Variants in RBFOX1 observed in about 807,000 individuals in gnomAD.
The protein encoded by RBFOX1 is RNA binding fox-1 homolog 1.
Under a neutral mutation model 57.7 loss-of-function variants are expected in RBFOX1, and 8 were observed. The observed-to-expected ratio is 0.14, with a 90% CI of 0.08 to 0.25. The LOEUF is 0.25. Ranked by LOEUF, RBFOX1 falls within the 10% of genes least tolerant of loss-of-function variation. The probability of loss-of-function intolerance (pLI) is 1.00; values close to 1 mark genes in which losing one functional copy is unlikely to be tolerated. For missense variants in RBFOX1, 611 were observed against 548.5 expected (o/e 1.11, Z -1.14); for synonymous variants, 326 against 222.4 (o/e 1.47, Z -4.15).
chr16:6,899,356 C>T (rs1596550092), intron 3 of RBFOX1, among the ~76,000 whole-genome samples: 1 of 152,144 alleles, frequency 6.6e-6, no homozygotes, highest in African/African-American at 2.4e-5. Context: ...TAGCATCAGG[C>T]ATTTTCTTCT....
At chr16:5,684,749 G>C (rs1236151174) in intron 3 of RBFOX1, among the ~76,000 whole-genome samples, 1 of 152,166 alleles carries the variant, frequency 6.6e-6, no homozygotes, top group Non-Finnish European at 1.5e-5. Flanking sequence ...GTAATGAAGT[G>C]CATCCAAATA....
chr16:7,548,645 T>C (rs1385090086), intron 5 of RBFOX1, among the ~76,000 whole-genome samples: 1 of 152,112 alleles, frequency 6.6e-6, no homozygotes, highest in African/African-American at 2.4e-5. Context: ...GGGGGGGCAG[T>C]CAAACAAGTC....
intron 4 of RBFOX1, among the ~76,000 whole-genome samples, chr16:5,943,261 C>G (rs2059318208): frequency 6.6e-6 from 1 of 152,176 alleles, no homozygotes; most frequent in African/African-American, 2.4e-5. Flanking sequence ...CCATCACAGG[C>G]TTCTTAAGTG....
intron 4 of RBFOX1, among the ~76,000 whole-genome samples, chr16:7,305,282 T>C (rs2096151992): frequency 6.6e-6 from 1 of 152,146 alleles, no homozygotes; most frequent in Admixed American, 6.6e-5. Flanking sequence ...GGACCCTCTC[T>C]GCTCTGTCAT....
chr16:6,536,676 A>G (rs370212227), intron 2 of RBFOX1, among the ~76,000 whole-genome samples: 8 of 152,022 alleles, frequency 5.3e-5, no homozygotes, highest in South Asian at 4.1e-4. Flanking sequence ...TTGGATTGCT[A>G]TGATATCTTC....
At chr16:6,120,842 A>G (rs1418696697) in intron 1 of RBFOX1, among the ~76,000 whole-genome samples, 1 of 151,948 alleles carries the variant, frequency 6.6e-6, no homozygotes. Flanking sequence ...TCTCTTTTTT[A>G]TCCAAACATT....
chr16:7,127,188 C>G (rs1406736883), intron 4 of RBFOX1, among the ~76,000 whole-genome samples: 2 of 152,094 alleles, frequency 1.3e-5, no homozygotes, highest in Non-Finnish European at 2.9e-5. Flanking sequence ...TCTCTGTGAA[C>G]TAGCCACAAA....
intron 4 of RBFOX1, among the ~76,000 whole-genome samples, chr16:7,229,260 A>T (rs1017359592): frequency 3.9e-5 from 6 of 152,222 alleles, no homozygotes; most frequent in Non-Finnish European, 7.3e-5. Context: ...GAAGTATTTT[A>T]TGAAGGCATA....
chr16:7,513,649 C>T (rs1488891756), intron 4 of RBFOX1, among the ~76,000 whole-genome samples: 2 of 152,118 alleles, frequency 1.3e-5, no homozygotes, highest in African/African-American at 2.4e-5. Context: ...CCAGTCATTG[C>T]CTAATGTCCT....
chr16:6,651,404 C>A (rs1015225574), intron 2 of RBFOX1, among the ~76,000 whole-genome samples: 1 of 152,196 alleles, frequency 6.6e-6, no homozygotes, highest in Non-Finnish European at 1.5e-5. Flanking sequence ...CCTGCTACAC[C>A]CTTATCCATC....
intron 3 of RBFOX1, among the ~76,000 whole-genome samples, chr16:7,042,244 A>C (rs970763680): frequency 2.0e-5 from 3 of 152,218 alleles, no homozygotes; most frequent in Admixed American, 2.0e-4. Context: ...ACAGTAGCTA[A>C]TGAGCACCTG....
At position 6,019,443 on chromosome 16, in the gene RBFOX1, G is replaced by T. The variant is rs1030670233; in HGVS notation, c.-676G>T. The T allele has an allele frequency of 5.0e-6, 5 of 990,206 alleles. No homozygotes were observed. The African/African-American group carries it at 8.7e-5, about 17-fold the overall frequency. The allele number at this position is 990,206 out of a possible 1,614,324, so 61.3% of individuals were successfully genotyped here. On this transcript the variant is annotated 5_prime_UTR_variant, in exon 1 of 16. Coordinates refer to ENST00000550418, the MANE Select transcript of RBFOX1 (RefSeq NM_018723.4). This position sits in a 1 kb window ranked among gnomAD's most constrained non-coding sequence, Gnocchi z 4.2. ...GGACGGAGCCCAGGGGCCGCGTCGG[G>T]TGGGGAAACCCGAACTCGCGGAGGG...
At chr16:6,668,265 A>T (rs940582095) in intron 3 of RBFOX1, among the ~76,000 whole-genome samples, 2 of 152,222 alleles carry the variant, frequency 1.3e-5, no homozygotes, top group African/African-American at 2.4e-5. Context: ...AGATTGTGGC[A>T]TGTGGGTTCT....
chr16:5,976,823 C>A (rs1345940363), intron 4 of RBFOX1, among the ~76,000 whole-genome samples: 1 of 152,186 alleles, frequency 6.6e-6, no homozygotes. Context: ...GAGCCAAAAT[C>A]ATGCCACTGC....
intron 1 of RBFOX1, among the ~76,000 whole-genome samples, chr16:6,173,873 G>T (rs2096982086): frequency 6.6e-6 from 1 of 151,834 alleles, no homozygotes. Flanking sequence ...GCCTCCCAAA[G>T]TGCTGTTTTG....
intron 3 of RBFOX1, chr16:5,610,622 AG>A (rs2047745878): frequency 6.6e-6 from 1 of 152,094 alleles, no homozygotes; most frequent in Non-Finnish European, 1.5e-5. Flanking sequence ...GCAGGAGGTC[AG>A]TTCAGGCCAG....
intron 4 of RBFOX1, among the ~76,000 whole-genome samples, chr16:7,399,614 C>G (rs2098204508): frequency 6.6e-6 from 1 of 152,140 alleles, no homozygotes; most frequent in Admixed American, 6.5e-5. Context: ...GTAGATGCAT[C>G]TCGTCCATTT....
intron 2 of RBFOX1, chr16:5,467,362 A>G (rs1008431938): frequency 9.2e-7 from 1 of 1,089,158 alleles, no homozygotes; most frequent in African/African-American, 1.6e-5. Context: ...CCCAGGGCAG[A>G]CATCTGTAAT....
intron 1 of RBFOX1, among the ~76,000 whole-genome samples, chr16:6,223,042 A>G (rs1357378709): frequency 1.3e-5 from 2 of 149,682 alleles, no homozygotes; most frequent in African/African-American, 4.9e-5. Context: ...ATCATTTTTT[A>G]TGGCTGCATA....
Sources: allele counts gnomAD v4.1 joint callset (sites outside exome capture counted in the v4.1 genomes callset), GRCh38; gene constraint gnomAD v4.1.1; non-coding constraint Gnocchi (gnomAD v3.1); transcripts MANE v1.5; gene names NCBI Gene and HGNC (gene_info 2026-07-23, HGNC 2026-07-21).